PRELID2: variants seen among roughly 807,000 people sequenced by gnomAD.
The protein encoded by PRELID2 is PRELI domain-containing protein 2.
Under a neutral mutation model 28.4 loss-of-function variants are expected in PRELID2, and 25 were observed. The observed-to-expected ratio is 0.88, with a 90% CI of 0.64 to 1.23. The LOEUF is 1.23. Ranked by LOEUF, PRELID2 falls within the 50% of genes most tolerant of loss-of-function variation. PRELID2 has a pLI of 0.00. For missense variants in PRELID2, 201 were observed against 214.4 expected, an observed-to-expected ratio of 0.94 and a Z score of 0.39; for synonymous variants, 76 against 71.6, an observed-to-expected ratio of 1.06 and a Z score of -0.31.
chr5:145,591,361 AT>A (rs1384791864), intron 1 of PRELID2, among the ~76,000 whole-genome samples: 2 of 152,060 alleles, frequency 1.3e-5, no homozygotes, highest in Non-Finnish European at 2.9e-5. Flanking sequence ...CACTGGCTTT[AT>A]TTTTTAAGTA....
At chr5:145,827,689 A>G (rs1405821859) in intron 1 of PRELID2, among the ~76,000 whole-genome samples, 1 of 152,250 alleles carries the variant, frequency 6.6e-6, no homozygotes, top group Non-Finnish European at 1.5e-5. Context: ...TTATCACAAC[A>G]TCAAATGTAT....
At chr5:145,238,275 G>T in the PRELID2 span, among the ~76,000 whole-genome samples, 1 of 152,114 alleles carries the variant, frequency 6.6e-6, no homozygotes, top group Non-Finnish European at 1.5e-5. Flanking sequence ...TAAGGTAATT[G>T]TTATCCCCAT....
intron 1 of PRELID2, among the ~76,000 whole-genome samples, chr5:145,665,680 A>G (rs1754575273): frequency 6.6e-6 from 1 of 152,068 alleles, no homozygotes; most frequent in South Asian, 2.1e-4. Context: ...ACTCCCCACC[A>G]TAACACTATG....
chr5:145,690,888 T>C (rs1015206870), intron 1 of PRELID2, among the ~76,000 whole-genome samples: 1 of 151,862 alleles, frequency 6.6e-6, no homozygotes, highest in African/African-American at 2.4e-5. Flanking sequence ...ATTAAGCAAA[T>C]GAAAATTGTT....
At chr5:145,528,197 GAGTTGT>G (rs1752625059) in intron 1 of PRELID2, among the ~76,000 whole-genome samples, 1 of 152,084 alleles carries the variant, frequency 6.6e-6, no homozygotes, top group South Asian at 2.1e-4. Flanking sequence ...GCATTTACCT[GAGTTGT>G]AGTTTCAGTA....
At chr5:145,436,380 C>T in the PRELID2 span, among the ~76,000 whole-genome samples, 120 of 152,012 alleles carry the variant, frequency 7.9e-4, no homozygotes, top group African/African-American at 2.7e-3. Context: ...TTGTGAATGG[C>T]GCTGTGATGA....
rs189294961 is a variant in PRELID2, at chr5:145,503,266, C to T, written n.71-29951G>A. On this transcript the variant is annotated intron_variant and non_coding_transcript_variant, in intron 1 of 2. Transcript: ENST00000510259. The stretch of plus-strand genomic sequence containing the variant: ...AAAGTTCATGAGCTATTCTAATCCT[C>T]TGAGCAACTGTAAGACTCTCTTTCC... Among the ~76,000 whole-genome samples, 5 of 152,280 alleles carry T rather than the reference C, an allele frequency of 3.3e-5. No homozygotes were observed. In the East Asian group the frequency reaches 7.7e-4, roughly 24 times the overall value.
chr5:145,484,473 T>G (rs935129871), intron 1 of PRELID2, among the ~76,000 whole-genome samples: 8 of 150,858 alleles, frequency 5.3e-5, no homozygotes, highest in African/African-American at 1.7e-4. Context: ...TCTTATTGGT[T>G]CATTGATTCC....
chr5:145,633,772 G>A lies in PRELID2; in HGVS notation n.70+131159C>T, dbSNP rs143349840. ...GGCTTTACGTCTCATTAGAGTAAAT[G>A]GGCATGGTTTTCCCTGATTCTCACC... On this transcript the variant is annotated intron_variant and non_coding_transcript_variant, in intron 1 of 2. Transcript: ENST00000510259. 2.6e-3 allele frequency among the ~76,000 whole-genome samples: 398 copies of A among 152,262 alleles called. 4 individuals carry two copies. The highest frequency in any genetic ancestry group is 8.9e-3 in the African/African-American group (369 of 41,554).
At chr5:145,347,445 T>C in the PRELID2 span, among the ~76,000 whole-genome samples, 3 of 152,068 alleles carry the variant, frequency 2.0e-5, no homozygotes, top group Non-Finnish European at 4.4e-5. Flanking sequence ...TTCTTGAAAA[T>C]TGCTGTTTCC....
the PRELID2 span, among the ~76,000 whole-genome samples, chr5:145,365,130 G>A: frequency 6.6e-6 from 1 of 151,952 alleles, no homozygotes; most frequent in Admixed American, 6.6e-5. Context: ...GGGAAATGGA[G>A]ATGGAGATGT....
At chr5:145,640,339 G>A (rs1323533951) in intron 1 of PRELID2, among the ~76,000 whole-genome samples, 8 of 152,070 alleles carry the variant, frequency 5.3e-5, no homozygotes, top group East Asian at 1.9e-4. Flanking sequence ...AGCCGGGCGT[G>A]GTGGCGGGCG....
chr5:145,820,997 T>A (rs977304805), intron 2 of PRELID2, among the ~76,000 whole-genome samples: 5 of 152,066 alleles, frequency 3.3e-5, no homozygotes, highest in Admixed American at 1.3e-4. Flanking sequence ...TCCCAACTCC[T>A]GAGATCTTAT....
At chr5:145,317,516 G>A in the PRELID2 span, among the ~76,000 whole-genome samples, 3 of 152,182 alleles carry the variant, frequency 2.0e-5, no homozygotes, top group African/African-American at 7.2e-5. Context: ...GAGCGAGGGA[G>A]GACTGACCCT....
In PRELID2 at chr5:145,734,093, A is replaced by G. The variant is rs192968610; in HGVS notation, n.70+30838T>C. ...TCTCTCCCTTAGAGCTTCTGGAAGAATGCATCCCTGCCAACATCTTGATTT... is the reference window on the plus strand; with the variant it reads ...TCTCTCCCTTAGAGCTTCTGGAAGAGTGCATCCCTGCCAACATCTTGATTT... On this transcript the variant is annotated intron_variant and non_coding_transcript_variant, in intron 1 of 2. Coordinates refer to the PRELID2 transcript ENST00000510259. Among the ~76,000 whole-genome samples the G allele has an allele frequency of 8.5e-5, 13 of 152,308 alleles. No homozygotes were observed. The East Asian group carries it at 1.9e-3, about 23-fold the overall frequency.
downstream of PRELID2, among the ~76,000 whole-genome samples, chr5:145,755,396 A>C (rs532248440): frequency 6.6e-6 from 1 of 152,170 alleles, no homozygotes; most frequent in Non-Finnish European, 1.5e-5. Context: ...CATTAAAGAC[A>C]ATTTTATGAG....
chr5:145,297,710 C>G, the PRELID2 span, among the ~76,000 whole-genome samples: 3 of 151,966 alleles, frequency 2.0e-5, no homozygotes, highest in Non-Finnish European at 2.9e-5. Flanking sequence ...GATTGTATAT[C>G]TAGAAAACTC....
At chr5:145,625,733 T>C (rs1396200203) in intron 1 of PRELID2, among the ~76,000 whole-genome samples, 1 of 152,042 alleles carries the variant, frequency 6.6e-6, no homozygotes, top group African/African-American at 2.4e-5. Context: ...TGTCAGAAAA[T>C]GGAAAACTGT....
intron 1 of PRELID2, among the ~76,000 whole-genome samples, chr5:145,667,284 G>C (rs749926791): frequency 2.0e-5 from 3 of 151,894 alleles, no homozygotes; most frequent in African/African-American, 4.8e-5. Context: ...AAACACACTG[G>C]CTTTATAGTT....
Sources: allele counts gnomAD v4.1 joint callset (sites outside exome capture counted in the v4.1 genomes callset), GRCh38; gene constraint gnomAD v4.1.1; transcripts MANE v1.5; gene names NCBI Gene and HGNC (gene_info 2026-07-23, HGNC 2026-07-21).